Variants in TNR observed in about 807,000 individuals in gnomAD.
The protein encoded by TNR is tenascin R.
TNR carries 45 observed loss-of-function variants against 150.4 expected under a neutral mutation model. That is an observed-to-expected ratio of 0.30 (90% CI 0.24 to 0.38). The LOEUF is 0.38. TNR is among the 10% of genes least tolerant of loss of function. The probability of loss-of-function intolerance (pLI) is 1.00; values close to 1 mark genes in which losing one functional copy is unlikely to be tolerated. For synonymous variants in TNR, 687 were observed against 678.4 expected (o/e 1.01, Z -0.20); for missense variants, 1,544 against 1,759.1 (o/e 0.88, Z 2.19).
chr1:175,589,974 T>C (rs1163540450), intron 1 of TNR, among the ~76,000 whole-genome samples: 1 of 152,160 alleles, frequency 6.6e-6, no homozygotes, highest in East Asian at 1.9e-4. Flanking sequence ...TTTGCACATG[T>C]ATCCCAGAAC....
intron 2 of TNR, among the ~76,000 whole-genome samples, chr1:175,464,395 G>A (rs955026606): frequency 6.6e-6 from 1 of 152,260 alleles, no homozygotes; most frequent in Non-Finnish European, 1.5e-5. Flanking sequence ...GACAATAGAT[G>A]ATACAAAACT....
At chr1:175,522,021 A>G (rs1170884142) in intron 2 of TNR, among the ~76,000 whole-genome samples, 1 of 152,228 alleles carries the variant, frequency 6.6e-6, no homozygotes, top group African/African-American at 2.4e-5. Context: ...TGACACAAAA[A>G]TTACTCAACA....
At chr1:175,530,067 A>T (rs1660004816) in intron 1 of TNR, among the ~76,000 whole-genome samples, 1 of 152,240 alleles carries the variant, frequency 6.6e-6, no homozygotes, top group African/African-American at 2.4e-5. Flanking sequence ...ATTATAATAA[A>T]AAAGTCAATA....
intron 1 of TNR, among the ~76,000 whole-genome samples, chr1:175,533,508 A>G (rs1451617324): frequency 1.3e-5 from 2 of 152,160 alleles, no homozygotes; most frequent in African/African-American, 4.8e-5. Context: ...AGCCTTGGCT[A>G]TTTAGGTTTC....
intron 1 of TNR, among the ~76,000 whole-genome samples, chr1:175,646,488 G>A (rs1217649108): frequency 6.6e-6 from 1 of 152,190 alleles, no homozygotes; most frequent in Non-Finnish European, 1.5e-5. Flanking sequence ...ACTCCCTCTT[G>A]TAGGCTTCTT....
Position 175,354,530 on chromosome 1 carries a change from A to C in TNR, c.3250-7T>G. 2.5e-6 allele frequency: 4 copies of C among 1,613,960 alleles called. No individual in the cohort carries two copies. The highest frequency in any genetic ancestry group is 3.4e-6 in the Non-Finnish European group (4 of 1,179,942). On this transcript the variant is annotated splice_region_variant and splice_polypyrimidine_tract_variant and intron_variant, in intron 17 of 22. Transcript: ENST00000367674. ...CTGCATCCACAATCAGCTCCTGTATAATGAGCCAAAGGAAGGGTGGTGGAA... is the reference window on the plus strand; with the variant it reads ...CTGCATCCACAATCAGCTCCTGTATCATGAGCCAAAGGAAGGGTGGTGGAA...
intron 1 of TNR, among the ~76,000 whole-genome samples, chr1:175,628,545 AC>A (rs1430533755): frequency 6.6e-6 from 1 of 151,418 alleles, no homozygotes. Context: ...AAAGAATGGC[AC>A]CTTTTTTTGC....
At chr1:175,404,536 C>T (rs896343087) in intron 3 of TNR, among the ~76,000 whole-genome samples, 1 of 152,228 alleles carries the variant, frequency 6.6e-6, no homozygotes, top group African/African-American at 2.4e-5. Flanking sequence ...AATGGAGTAC[C>T]TGCTGGCATC....
At chr1:175,541,487 A>G (rs1487860658) in intron 1 of TNR, among the ~76,000 whole-genome samples, 2 of 152,254 alleles carry the variant, frequency 1.3e-5, no homozygotes, top group African/African-American at 4.8e-5. Context: ...TAAGAGTCCT[A>G]TCCAAATAAA....
intron 2 of TNR, among the ~76,000 whole-genome samples, chr1:175,494,924 C>T (rs1368246985): frequency 6.6e-6 from 1 of 152,168 alleles, no homozygotes; most frequent in Admixed American, 6.5e-5. Context: ...ATCTAGATCC[C>T]TCATACTCCA....
chr1:175,349,993 T>C (rs556204651), intron 18 of TNR, among the ~76,000 whole-genome samples: 1 of 152,364 alleles, frequency 6.6e-6, no homozygotes, highest in South Asian at 2.1e-4. Flanking sequence ...TGAGGATAGA[T>C]AGCCGTGGAT....
At chr1:175,726,115 A>G (rs1667470610) in intron 1 of TNR, among the ~76,000 whole-genome samples, 1 of 152,212 alleles carries the variant, frequency 6.6e-6, no homozygotes, top group Admixed American at 6.5e-5. Flanking sequence ...AGTAAATATG[A>G]TAACAGAAAA....
intron 2 of TNR, among the ~76,000 whole-genome samples, chr1:175,413,847 A>C (rs2102055123): frequency 6.6e-6 from 1 of 152,202 alleles, no homozygotes; most frequent in East Asian, 1.9e-4. Context: ...AAAGACGTAG[A>C]GAGAGTTGGG....
At chr1:175,471,764 T>G (rs926108656) in intron 2 of TNR, among the ~76,000 whole-genome samples, 22 of 152,174 alleles carry the variant, frequency 1.4e-4, no homozygotes, top group African/African-American at 5.3e-4. Context: ...TAAATTTTTT[T>G]TCTTCAATTA....
chr1:175,568,392 C>G (rs1387018764), intron 1 of TNR, among the ~76,000 whole-genome samples: 1 of 152,048 alleles, frequency 6.6e-6, no homozygotes, highest in Non-Finnish European at 1.5e-5. Flanking sequence ...ATGAAACAAG[C>G]TTTGTGGGCA....
At position 175,639,721 on chromosome 1, in the gene TNR, G is replaced by C. The variant is rs150547876; in HGVS notation, c.-165+103505C>G. ...CTGGCTAACTTTCCAGCCTCACCAAGGACTTCTAGCTTAGTCCTCACCAGC... is the reference window on the plus strand; with the variant it reads ...CTGGCTAACTTTCCAGCCTCACCAACGACTTCTAGCTTAGTCCTCACCAGC... On this transcript the variant is annotated intron_variant, in intron 1 of 22. Coordinates refer to ENST00000367674, the MANE Select transcript of TNR (RefSeq NM_003285.3). 3.3e-5 allele frequency among the ~76,000 whole-genome samples: 5 copies of C among 152,214 alleles called. No individual in the cohort carries two copies. The East Asian group carries it at 9.7e-4, about 29-fold the overall frequency.
chr1:175,517,940 G>T (rs1190515420), intron 2 of TNR, among the ~76,000 whole-genome samples: 1 of 152,092 alleles, frequency 6.6e-6, no homozygotes, highest in Non-Finnish European at 1.5e-5. Flanking sequence ...CATTCCCTAG[G>T]TTCCTTCCCA....
chr1:175,525,702 C>T (rs996093329), intron 2 of TNR, among the ~76,000 whole-genome samples: 4 of 152,126 alleles, frequency 2.6e-5, no homozygotes, highest in African/African-American at 4.8e-5. Context: ...TATGGTGGGC[C>T]GTCGTTCCCC....
At chr1:175,481,174 A>G (rs532548052) in intron 2 of TNR, among the ~76,000 whole-genome samples, 1 of 152,214 alleles carries the variant, frequency 6.6e-6, no homozygotes, top group Admixed American at 6.5e-5. Context: ...CACCCTGTGA[A>G]TAGCCTTATC....
Sources: gnomAD v4.1 joint callset for allele counts (sites outside exome capture counted in the v4.1 genomes callset) on GRCh38, gnomAD v4.1.1 for gene constraint, MANE v1.5 for transcripts, NCBI Gene and HGNC (gene_info 2026-07-23, HGNC 2026-07-21) for gene names.